Variants in FAM3B observed in about 807,000 individuals in gnomAD.
FAM3B encodes the protein FAM3 metabolism regulating signaling molecule B.
Under a neutral mutation model 28.4 loss-of-function variants are expected in FAM3B, and 29 were observed. The observed-to-expected ratio is 1.02, with a 90% CI of 0.76 to 1.39. The LOEUF (loss-of-function observed/expected upper bound fraction) is 1.39. Ranked by LOEUF, FAM3B falls within the 40% of genes most tolerant of loss-of-function variation. The pLI, the probability that FAM3B is intolerant of heterozygous loss-of-function variation, is 0.00. For missense variants in FAM3B, 266 were observed against 293.9 expected (o/e 0.91, Z 0.69); for synonymous variants, 91 against 103.0 (o/e 0.88, Z 0.71).
upstream of FAM3B, among the ~76,000 whole-genome samples, chr21:41,313,410 C>A (rs374882312): frequency 6.6e-6 from 1 of 152,272 alleles, no homozygotes; most frequent in African/African-American, 2.4e-5. Flanking sequence ...ACTGTTCTGA[C>A]TTCTGTCACC....
At chr21:41,336,063 C>G (rs2088952522) in intron 2 of FAM3B, among the ~76,000 whole-genome samples, 1 of 152,046 alleles carries the variant, frequency 6.6e-6, no homozygotes, top group Non-Finnish European at 1.5e-5. Context: ...GGATTAGAGC[C>G]TCTACGAATG....
intron 7 of FAM3B, among the ~76,000 whole-genome samples, chr21:41,350,912 G>A (rs78113428): frequency 0.03 from 4,521 of 152,194 alleles, 83 homozygotes; most frequent in East Asian, 0.088. Flanking sequence ...AACCACCCCA[G>A]CTTATTTAAC....
At chr21:41,308,802 C>T (rs2088695473) in intron 1 of FAM3B, among the ~76,000 whole-genome samples, 1 of 152,072 alleles carries the variant, frequency 6.6e-6, no homozygotes, top group African/African-American at 2.4e-5. Flanking sequence ...GTTTTTCACA[C>T]ATTTTGCAGT....
At chr21:41,332,702 T>G (rs2088917096) in intron 2 of FAM3B, among the ~76,000 whole-genome samples, 1 of 152,248 alleles carries the variant, frequency 6.6e-6, no homozygotes, top group Non-Finnish European at 1.5e-5. Context: ...TCCTCACATT[T>G]ATTGGTCTGT....
At chr21:41,345,794 A>G in intron 5 of FAM3B, 58 bp downstream of exon 5, 1 of 1,097,274 alleles carries the variant, frequency 9.1e-7, no homozygotes, top group African/African-American at 1.6e-5. Context: ...ATTAAGATTA[A>G]AAAGCACAAA....
intron 5 of FAM3B, among the ~76,000 whole-genome samples, chr21:41,346,810 C>G (rs1021109195): frequency 6.6e-6 from 1 of 152,148 alleles, no homozygotes; most frequent in Admixed American, 6.5e-5. Flanking sequence ...CTGTGCCACT[C>G]ACCTCAGATA....
chr21:41,340,962 G>A (rs986708855), intron 3 of FAM3B, among the ~76,000 whole-genome samples: 2 of 151,582 alleles, frequency 1.3e-5, no homozygotes, highest in Non-Finnish European at 2.9e-5. Context: ...TTATATACAG[G>A]TATATATATG....
intron 7 of FAM3B, among the ~76,000 whole-genome samples, chr21:41,352,520 C>A (rs368733198): frequency 1.3e-5 from 2 of 152,084 alleles, no homozygotes; most frequent in Non-Finnish European, 2.9e-5. Context: ...TTAGGCCAGG[C>A]GCAGTGGCTC....
chr21:41,356,543 G>T (rs1434153177), intron 7 of FAM3B, among the ~76,000 whole-genome samples: 1 of 152,162 alleles, frequency 6.6e-6, no homozygotes, highest in Non-Finnish European at 1.5e-5. Context: ...TTGCACCATT[G>T]TAAAGTTAAA....
intron 2 of FAM3B, among the ~76,000 whole-genome samples, chr21:41,324,395 G>A (rs1013132922): frequency 6.6e-6 from 1 of 152,206 alleles, no homozygotes; most frequent in Non-Finnish European, 1.5e-5. Context: ...ACACAAGGGC[G>A]AGAGTATGGC....
At chr21:41,352,479 G>A (rs993904011) in intron 7 of FAM3B, among the ~76,000 whole-genome samples, 1 of 152,072 alleles carries the variant, frequency 6.6e-6, no homozygotes, top group Non-Finnish European at 1.5e-5. Flanking sequence ...GGAAGGGAAG[G>A]TGCATTATCA....
rs755786039 is a variant in FAM3B at position 41,326,647 on chromosome 21, G to T, written c.163+3581G>T. Among the ~76,000 whole-genome samples, 1 of 152,238 alleles carries T rather than the reference G, an allele frequency of 6.6e-6. No individual in the cohort carries two copies. The highest frequency in any genetic ancestry group is 2.1e-4 in the South Asian group (1 of 4,836). On this transcript the variant is annotated intron_variant, in intron 2 of 7. Coordinates refer to ENST00000357985, the MANE Select transcript of FAM3B (RefSeq NM_058186.4). The surrounding 1 kb of genome is among the most constrained non-coding windows in gnomAD (Gnocchi z 4.0). ...ACCTGCTCGTTCTGCTGCCGATCCC[G>T]TAGGGGAAGTCCCTGGGGAGAGCAT...
At chr21:41,328,984 T>C (rs1386661757) in intron 2 of FAM3B, among the ~76,000 whole-genome samples, 1 of 152,270 alleles carries the variant, frequency 6.6e-6, no homozygotes, top group Non-Finnish European at 1.5e-5. Context: ...GCACCAGTGC[T>C]GTTCACCCTG....
chr21:41,338,435 A>G lies in FAM3B; in HGVS notation c.221A>G (p.Tyr74Cys), dbSNP rs191085667. ...DHWTPCPSDT[Y>C]AYRLLSGGGR... ...TGGACTCCCTGCCCATCTGACACCT[A>G]TGCCTACAGGTTACTCAGCGGAGGT... The change falls in exon 3 of 8, where the codon TAT (tyrosine) becomes TGT (cysteine). Residue 74 changes from tyrosine (Y) to cysteine (C), a missense_variant. Coordinates refer to ENST00000357985, the MANE Select transcript of FAM3B (RefSeq NM_058186.4). 8.7e-6 allele frequency: 14 copies of G among 1,614,180 alleles called. No individual in the cohort carries two copies. In the Admixed American group the frequency reaches 1.8e-4, roughly 21 times the overall value.
At chr21:41,349,780 C>A (rs2089098811) in intron 7 of FAM3B, among the ~76,000 whole-genome samples, 1 of 152,226 alleles carries the variant, frequency 6.6e-6, no homozygotes, top group Non-Finnish European at 1.5e-5. Flanking sequence ...GTGACCCCCT[C>A]TAGTCTCATG....
chr21:41,330,293 T>C (rs1225016912), intron 2 of FAM3B, among the ~76,000 whole-genome samples: 4 of 152,198 alleles, frequency 2.6e-5, no homozygotes, highest in Non-Finnish European at 4.4e-5. Context: ...GGTTGGGGGA[T>C]GTTCAACTGG....
At chr21:41,310,033 C>G (rs1236904642) in intron 1 of FAM3B, among the ~76,000 whole-genome samples, 3 of 152,208 alleles carry the variant, frequency 2.0e-5, no homozygotes, top group African/African-American at 7.2e-5. Context: ...TTCTCATCCT[C>G]CCAGCCTGGT....
At chr21:41,340,247 A>G (rs1474436472) in intron 3 of FAM3B, among the ~76,000 whole-genome samples, 1 of 146,010 alleles carries the variant, frequency 6.8e-6, no homozygotes, top group Non-Finnish European at 1.5e-5. Flanking sequence ...TCCGCCTTCC[A>G]GGTTCAAGCG....
chr21:41,347,627 C>T (rs1209137120), intron 6 of FAM3B, among the ~76,000 whole-genome samples: 1 of 151,950 alleles, frequency 6.6e-6, no homozygotes, highest in East Asian at 1.9e-4. Flanking sequence ...GTGGCATGCA[C>T]CTGTAGTCCC....
Sources: allele counts gnomAD v4.1 joint callset (sites outside exome capture counted in the v4.1 genomes callset), GRCh38; gene constraint gnomAD v4.1.1; non-coding constraint Gnocchi (gnomAD v3.1); transcripts MANE v1.5; gene names NCBI Gene and HGNC (gene_info 2026-07-23, HGNC 2026-07-21).